The following PML variants were observed in gnomAD, a reference collection of about 807,000 sequenced individuals.
PML encodes PML nuclear body scaffold.
A neutral mutation model predicts 65.2 loss-of-function variants in PML; 28 were observed. The ratio of observed to expected loss-of-function variants is 0.43; its 90% confidence interval spans 0.32 to 0.59. The LOEUF (loss-of-function observed/expected upper bound fraction) is 0.59. Among genes scored for constraint, PML ranks in the 20% least tolerant of loss-of-function variants. PML has a pLI of 0.08. For synonymous variants in PML, 500 were observed against 508.8 expected, an observed-to-expected ratio of 0.98 and a Z score of 0.23; for missense variants, 1,021 against 1,203.4, an observed-to-expected ratio of 0.85 and a Z score of 2.24.
At position 74,042,926 on chromosome 15, in the gene PML, G is replaced by C. The variant is rs879383577; in HGVS notation, c.1711-63G>C. On this transcript the variant is annotated intron_variant, in intron 7 of 8. Transcript: ENST00000268058. The surrounding 1 kb of genome is among the most constrained non-coding windows in gnomAD (Gnocchi z 5.3). ...CTCCCAGCTATACCAGCTTGCTAGT[G>C]TTCTGCACAGGTGCTTGCCTTGGCC... 6.2e-7 allele frequency: 1 copy of C among 1,611,382 alleles called. No individual in the cohort carries two copies. Among genetic ancestry groups the C allele is most frequent in the Non-Finnish European group, 8.5e-7 (1 of 1,179,942 alleles).
At position 74,032,698 on chromosome 15, in the gene PML, G is replaced by T; in HGVS notation, c.1381G>T (p.Gly461Cys). ...GCCAGTGTACGCCTTCTCCATCAAA[G>T]GCCCTTCCTATGGAGAGGTAAGGTT... is the stretch of plus-strand genomic sequence containing the variant. The part of the protein sequence containing the change: ...PVPVYAFSIK[G>C]PSYGEDVSNT... Residue 461 changes from glycine (G) to cysteine (C), a missense_variant, in exon 5 of 9, where the codon GGC becomes TGC. Transcript: ENST00000268058. The T allele has an allele frequency of 1.2e-6, 2 of 1,614,180 alleles. No individual in the cohort carries two copies. The highest frequency in any genetic ancestry group is 2.2e-5 in the South Asian group (2 of 91,084).
intron 2 of PML, among the ~76,000 whole-genome samples, chr15:74,016,064 G>T (rs889284227): frequency 6.6e-6 from 1 of 152,112 alleles, no homozygotes; most frequent in Admixed American, 6.5e-5. Flanking sequence ...AGATCACGAG[G>T]TCAAGAGATT....
intron 1 of PML, among the ~76,000 whole-genome samples, chr15:73,997,246 G>C (rs527998135): frequency 6.6e-6 from 1 of 152,150 alleles, no homozygotes; most frequent in Non-Finnish European, 1.5e-5. Flanking sequence ...GGAGAGTTGC[G>C]GTTTTCCTTT....
Position 74,024,914 on chromosome 15 carries a change from T to C in PML, c.1241T>C (p.Ile414Thr), listed in dbSNP as rs2071005402. The C allele has an allele frequency of 3.1e-6, 5 of 1,612,738 alleles. No individual in the cohort carries two copies. The highest frequency in any genetic ancestry group is 4.2e-6 in the Non-Finnish European group (5 of 1,178,900). ...PEAASTPRDP[I>T]DVDLPEEAER... ...GCTGCCAGCACTCCCAGGGACCCTA[T>C]TGACGTTGACCTGGTGAGATGGGTT... Residue 414 changes from isoleucine (I) to threonine (T), a missense_variant, in exon 4 of 9, where the codon ATT becomes ACT. Physicochemically the swap from Ile to Thr is moderately conservative, Grantham distance 89 (BLOSUM62 -1). Coordinates refer to ENST00000268058, the MANE Select transcript of PML (RefSeq NM_033238.3).
intron 4 of PML, among the ~76,000 whole-genome samples, chr15:74,029,902 C>A (rs993031369): frequency 6.6e-6 from 1 of 152,142 alleles, no homozygotes. Context: ...CTCACACTCT[C>A]TAATCCAGAG....
chr15:74,044,918 G>C lies in PML; in HGVS notation c.2559G>C (p.Leu853=), dbSNP rs757235006. The stretch of plus-strand genomic sequence containing the variant: ...CTCTGGGCACCTACTTTGAAGGCCT[G>C]TTGGAGGGTCCGGCGCTGGCACGGG... ...LQALGTYFEG[L]LEGPALARAE... The change falls in exon 9 of 9, where the codon CTG becomes CTC. Residue 853 remains leucine (L), a synonymous_variant. Transcript: ENST00000268058. The C allele has an allele frequency of 1.5e-5, 24 of 1,613,510 alleles. No individual in the cohort carries two copies. The highest frequency in any genetic ancestry group is 2.0e-5 in the Non-Finnish European group (24 of 1,180,026).
chr15:74,010,654 GA>G (rs1225537313), intron 2 of PML, among the ~76,000 whole-genome samples: 6 of 152,132 alleles, frequency 3.9e-5, no homozygotes, highest in Non-Finnish European at 7.3e-5. Flanking sequence ...TTTATTTCAT[GA>G]CTGGTGTTAT....
chr15:74,014,761 C>CA (rs962334805), intron 2 of PML, among the ~76,000 whole-genome samples: 40 of 150,336 alleles, frequency 2.7e-4, no homozygotes, highest in African/African-American at 4.6e-4. Context: ...GACTCTTTCT[C>CA]AAAAAAAAGA....
At chr15:74,004,705 T>C (rs1242375544) in intron 2 of PML, among the ~76,000 whole-genome samples, 1 of 152,092 alleles carries the variant, frequency 6.6e-6, no homozygotes, top group Non-Finnish European at 1.5e-5. Context: ...AGGGAAATTG[T>C]ATTCTGCTTT....
At chr15:74,021,645 T>C (rs978835670) in intron 2 of PML, among the ~76,000 whole-genome samples, 10 of 151,974 alleles carry the variant, frequency 6.6e-5, no homozygotes, top group Non-Finnish European at 1.5e-4. Context: ...AGCAGGCCTA[T>C]ATTTATAATC....
chr15:74,036,604 G>A (rs2071568649), intron 7 of PML, among the ~76,000 whole-genome samples: 1 of 152,102 alleles, frequency 6.6e-6, no homozygotes, highest in East Asian at 1.9e-4. Flanking sequence ...CTGGCCGTCT[G>A]GTAAGATCCT....
rs1184888833 is a variant in PML at position 74,035,657 on chromosome 15, C to A, written c.1710+1127C>A. 2 of 1,614,104 alleles carry A rather than the reference C, an allele frequency of 1.2e-6. No homozygotes were observed. Among genetic ancestry groups the A allele is most frequent in the South Asian group, 2.2e-5 (2 of 91,090 alleles). ...GGATACGAGGGGCTGTGCGATCCCG[C>A]AGCCGCTCCCTCCGGGGCTCCTCCC... On this transcript the variant is annotated intron_variant, in intron 7 of 8. Coordinates refer to ENST00000268058, the MANE Select transcript of PML (RefSeq NM_033238.3). The surrounding 1 kb of genome is among the most constrained non-coding windows in gnomAD (Gnocchi z 4.1).
In PML at chr15:73,998,266, G is replaced by A; in HGVS notation, c.392G>A (p.Arg131His). The A allele has an allele frequency of 6.2e-7, 1 of 1,614,198 alleles. No individual in the cohort carries two copies. Among genetic ancestry groups the A allele is most frequent in the Non-Finnish European group, 8.5e-7 (1 of 1,180,020 alleles). Residue 131 changes from arginine (R) to histidine (H), a missense_variant, in exon 2 of 9, where the codon CGC (arginine) becomes CAC (histidine). Physicochemically the swap from Arg to His is conservative, Grantham distance 29. Transcript: ENST00000268058. ...QIVDAQAVCT[R>H]CKESADFWCF... ...GTGGATGCGCAGGCTGTGTGCACCCGCTGCAAAGAGTCGGCCGACTTCTGG... is the reference window on the plus strand; with the variant it reads ...GTGGATGCGCAGGCTGTGTGCACCCACTGCAAAGAGTCGGCCGACTTCTGG...
At position 74,043,825 on chromosome 15, in the gene PML, G is replaced by T; in HGVS notation, c.1862-396G>T. 5 of 532,316 alleles carry T rather than the reference G, an allele frequency of 9.4e-6. No homozygotes were observed. Among genetic ancestry groups the T allele is most frequent in the South Asian group, 7.2e-5 (5 of 69,482 alleles). 33.0% of individuals were successfully genotyped at this position (532,316 alleles called of 1,614,324 possible). The stretch of plus-strand genomic sequence containing the variant: ...TATGTCCCAGGGCTCTGACTGGGCT[G>T]GGGTCCTTGAGGGGATTGGAGGAAG... On this transcript the variant is annotated intron_variant, in intron 8 of 8. Coordinates refer to ENST00000268058, the MANE Select transcript of PML (RefSeq NM_033238.3). This position sits in a 1 kb window ranked among gnomAD's most constrained non-coding sequence, Gnocchi z 4.3.
chr15:74,020,101 C>T (rs2070767087), intron 2 of PML, among the ~76,000 whole-genome samples: 2 of 152,064 alleles, frequency 1.3e-5, no homozygotes, highest in Admixed American at 1.3e-4. Context: ...TGCCAAATTG[C>T]CTTCTGTAGA....
intron 6 of PML, chr15:74,034,015 G>A (rs1211802562): frequency 3.0e-6 from 1 of 336,516 alleles, no homozygotes; most frequent in Non-Finnish European, 5.6e-6. Context: ...CCTAGCCTTG[G>A]TCACACACTG....
Position 74,018,578 on chromosome 15 carries a change from G to A in PML, c.603-4250G>A, listed in dbSNP as rs1000125820. 4.6e-5 allele frequency among the ~76,000 whole-genome samples: 7 copies of A among 152,054 alleles called. 1 individual carries two copies. In the South Asian group the frequency reaches 1.0e-3, roughly 23 times the overall value. On this transcript the variant is annotated intron_variant, in intron 2 of 8. Transcript: ENST00000268058. The stretch of plus-strand genomic sequence containing the variant: ...TGCCCAGGCTGGCCTGGAACTCCTG[G>A]GTGTAGGCAATCCTCTCACCACAGC...
Position 74,035,249 on chromosome 15 carries a change from C to G in PML, c.1710+719C>G. 1 of 1,610,344 alleles carries G rather than the reference C, an allele frequency of 6.2e-7. No individual in the cohort carries two copies. The highest frequency in any genetic ancestry group is 1.3e-5 in the African/African-American group (1 of 74,928). The stretch of plus-strand genomic sequence containing the variant: ...CGCCAGCCCACTCCTCGCCAGCCCA[C>G]TCCTCGCCAGTCCAGTCTCTGCTGA... On this transcript the variant is annotated intron_variant, in intron 7 of 8. Coordinates refer to ENST00000268058, the MANE Select transcript of PML (RefSeq NM_033238.3). The surrounding 1 kb of genome is among the most constrained non-coding windows in gnomAD (Gnocchi z 4.1).
Position 73,994,777 on chromosome 15 carries a change from A to T in PML, c.-36A>T. 1 of 1,550,660 alleles carries T rather than the reference A, an allele frequency of 6.4e-7. No individual in the cohort carries two copies. Among genetic ancestry groups the T allele is most frequent in the Non-Finnish European group, 8.7e-7 (1 of 1,146,792 alleles). On this transcript the variant is annotated 5_prime_UTR_variant, in exon 1 of 9. The change creates a new upstream start codon in the 5' untranslated region. Coordinates refer to ENST00000268058, the MANE Select transcript of PML (RefSeq NM_033238.3). ...CTTCAGCTTCTCTTCACGCACTCCA[A>T]GATCTAAACCGAGAATCGAAACTAA...
Sources: allele counts gnomAD v4.1 joint callset (sites outside exome capture counted in the v4.1 genomes callset), GRCh38; gene constraint gnomAD v4.1.1; non-coding constraint Gnocchi (gnomAD v3.1); transcripts MANE v1.5; gene names NCBI Gene and HGNC (gene_info 2026-07-23, HGNC 2026-07-21).